Variants in CYP3A7 observed in about 807,000 individuals in gnomAD.
CYP3A7 encodes cytochrome P450 family 3 subfamily A member 7.
In CYP3A7, 45 loss-of-function variants were observed where a neutral mutation model predicts 55.2. The ratio of observed to expected loss-of-function variants is 0.82; its 90% confidence interval spans 0.64 to 1.05. The LOEUF (loss-of-function observed/expected upper bound fraction) is 1.05, where lower values mean the gene tolerates loss of function less well. Ranked by LOEUF, CYP3A7 falls within the 50% of genes least tolerant of loss-of-function variation. CYP3A7 has a pLI of 0.00. For synonymous variants in CYP3A7, 180 were observed against 207.4 expected (o/e 0.87, Z 1.13); for missense variants, 548 against 605.3 (o/e 0.91, Z 0.99).
intron 2 of CYP3A7, among the ~76,000 whole-genome samples, chr7:99,725,166 A>G (rs1814361532): frequency 6.6e-6 from 1 of 152,202 alleles, no homozygotes; most frequent in East Asian, 1.9e-4. Context: ...CAAGGTAAAG[A>G]TGAAAACCCA....
intron 4 of CYP3A7, among the ~76,000 whole-genome samples, chr7:99,718,690 CAG>C (rs1205829247): frequency 6.6e-6 from 1 of 152,036 alleles, no homozygotes; most frequent in Non-Finnish European, 1.5e-5. Context: ...AAAAGGCATA[CAG>C]ATTGGAAAGG....
At position 99,713,550 on chromosome 7, in the gene CYP3A7, A is replaced by G. The variant is rs748638876; in HGVS notation, c.799-15T>C. ...TCCACTCGGTGCTAGAAGCAAAAAG[A>G]GAAATTTTATTGACAGAAAGTGACT... On this transcript the variant is annotated splice_polypyrimidine_tract_variant and intron_variant, in intron 8 of 12. Coordinates refer to ENST00000336374, the MANE Select transcript of CYP3A7 (RefSeq NM_000765.5). The G allele has an allele frequency of 6.2e-7, 1 of 1,613,242 alleles. No homozygotes were observed. The highest frequency in any genetic ancestry group is 1.1e-5 in the South Asian group (1 of 91,074).
At chr7:99,728,189 C>T (rs1814485831) in intron 2 of CYP3A7, among the ~76,000 whole-genome samples, 1 of 152,194 alleles carries the variant, frequency 6.6e-6, no homozygotes, top group Non-Finnish European at 1.5e-5. Flanking sequence ...CTTCCAGTCT[C>T]ACAGGCCCAT....
chr7:99,713,614 C>G, intron 8 of CYP3A7, 79 bp from the exon 9 acceptor site: 1 of 1,597,268 alleles, frequency 6.3e-7, no homozygotes, highest in South Asian at 1.1e-5. Context: ...AGTCCTCAAC[C>G]TCCCTTCTGA....
chr7:99,729,016 A>G (rs1184903902), intron 2 of CYP3A7, among the ~76,000 whole-genome samples: 3 of 152,156 alleles, frequency 2.0e-5, no homozygotes, highest in Admixed American at 2.0e-4. Flanking sequence ...TTTTATCTAA[A>G]CCAATCTGGC....
chr7:99,733,423 A>G (rs778721802), intron 1 of CYP3A7, among the ~76,000 whole-genome samples: 6 of 152,178 alleles, frequency 3.9e-5, no homozygotes, highest in Non-Finnish European at 7.3e-5. Context: ...GCTTTTTGTT[A>G]CAATGAAGAG....
intron 11 of CYP3A7, among the ~76,000 whole-genome samples, chr7:99,708,590 G>T (rs1813613975): frequency 2.0e-5 from 3 of 152,022 alleles, no homozygotes; most frequent in South Asian, 2.1e-4. Context: ...TGTATTGATG[G>T]AAAGCAGTGT....
intron 1 of CYP3A7, among the ~76,000 whole-genome samples, chr7:99,733,372 T>C (rs1258821985): frequency 6.6e-6 from 1 of 152,206 alleles, no homozygotes; most frequent in East Asian, 1.9e-4. Flanking sequence ...GCAAACTGTT[T>C]AGTTTCTTTC....
intron 12 of CYP3A7, 48 bp from the exon 13 acceptor site, chr7:99,705,643 G>C (rs750249078): frequency 3.7e-6 from 6 of 1,603,238 alleles, no homozygotes; most frequent in Non-Finnish European, 5.1e-6. Context: ...TAAAGCAAAA[G>C]TAGAAAGTAT....
chr7:99,710,584 C>T, intron 10 of CYP3A7, 148 bp downstream of exon 10: 1 of 1,447,624 alleles, frequency 6.9e-7, no homozygotes, highest in Non-Finnish European at 9.2e-7. Context: ...CCTATGCTTC[C>T]TTCTTTTTAT....
intron 7 of CYP3A7, 41 bp from the exon 8 acceptor site, chr7:99,714,723 A>T: frequency 1.2e-6 from 2 of 1,600,944 alleles, no homozygotes; most frequent in Non-Finnish European, 1.7e-6. Flanking sequence ...AACCATTGTG[A>T]ACATACAAAA....
At chr7:99,724,685 C>G (rs1326782407) in intron 2 of CYP3A7, among the ~76,000 whole-genome samples, 1 of 152,208 alleles carries the variant, frequency 6.6e-6, no homozygotes, top group African/African-American at 2.4e-5. Flanking sequence ...AGTTTCATTC[C>G]GAGACTAGCC....
chr7:99,717,840 G>A (rs1478703400), intron 4 of CYP3A7, among the ~76,000 whole-genome samples: 1 of 152,174 alleles, frequency 6.6e-6, no homozygotes, highest in African/African-American at 2.4e-5. Flanking sequence ...GTATATCCCA[G>A]TCTCCTTTTA....
At chr7:99,709,325 T>C in intron 10 of CYP3A7, 64 bp from the exon 11 acceptor site, 1 of 1,569,574 alleles carries the variant, frequency 6.4e-7, no homozygotes, top group Non-Finnish European at 8.7e-7. Context: ...ACTCAGTCCA[T>C]GTAGTACTGT....
Position 99,722,412 on chromosome 7 carries a change from TG to T in CYP3A7, c.166-65del, listed in dbSNP as rs2151521883. Reference sequence around the variant, plus strand: ...AAGTGTACTTAACCCTGCCTCTAATTGGGGTTGAAAACAGTCAAATCCAATG... The same window carrying T: ...AAGTGTACTTAACCCTGCCTCTAATTGGGTTGAAAACAGTCAAATCCAATG... On this transcript the variant is annotated intron_variant, in intron 2 of 12. Coordinates refer to ENST00000336374, the MANE Select transcript of CYP3A7 (RefSeq NM_000765.5). The T allele has an allele frequency of 2.5e-6, 4 of 1,588,300 alleles. No homozygotes were observed. In the South Asian group the frequency reaches 4.5e-5, roughly 18 times the overall value.
At chr7:99,717,446 G>C in intron 5 of CYP3A7, 80 bp downstream of exon 5, 1 of 1,592,472 alleles carries the variant, frequency 6.3e-7, no homozygotes, top group Non-Finnish European at 8.6e-7. Flanking sequence ...CCTCGGAAAG[G>C]AACTCTGATC....
chr7:99,728,903 C>G (rs1412078632), intron 2 of CYP3A7, among the ~76,000 whole-genome samples: 2 of 152,262 alleles, frequency 1.3e-5, no homozygotes, highest in East Asian at 3.9e-4. Flanking sequence ...CCTTCAGACC[C>G]AGGTTGACTT....
At chr7:99,705,626 C>A (rs1439431199) in intron 12 of CYP3A7, 31 bp from the exon 13 acceptor site, 1 of 1,609,304 alleles carries the variant, frequency 6.2e-7, no homozygotes, top group Non-Finnish European at 8.5e-7. Flanking sequence ...TATTGAGAAG[C>A]ATTAAATAAA....
intron 2 of CYP3A7, among the ~76,000 whole-genome samples, chr7:99,726,892 G>C (rs2740559): frequency 0.76 from 115,877 of 152,060 alleles, 47,116 homozygotes; most frequent in Non-Finnish European, 0.91. Flanking sequence ...AACACATGGG[G>C]TCTCCCTGCT....
Sources: gnomAD v4.1 joint callset for allele counts (sites outside exome capture counted in the v4.1 genomes callset) on GRCh38, gnomAD v4.1.1 for gene constraint, MANE v1.5 for transcripts, NCBI Gene and HGNC (gene_info 2026-07-23, HGNC 2026-07-21) for gene names.